LOXL2: variants seen among roughly 807,000 people sequenced by gnomAD.
LOXL2 encodes lysyl oxidase like 2.
In LOXL2, 70 loss-of-function variants were observed where a neutral mutation model predicts 93.0. The ratio of observed to expected loss-of-function variants is 0.75; its 90% CI spans 0.62 to 0.92. The LOEUF (loss-of-function observed/expected upper bound fraction) is 0.92, where lower values mean the gene tolerates loss of function less well. LOXL2 is among the 40% of genes least tolerant of loss of function. LOXL2 has a pLI of 0.00. For missense variants in LOXL2, 973 were observed against 1,054.9 expected (o/e 0.92, Z 1.08); for synonymous variants, 438 against 413.2 (o/e 1.06, Z -0.73).
At chr8:23,375,990 TGA>T (rs1420503760) in intron 1 of LOXL2, among the ~76,000 whole-genome samples, 2 of 152,284 alleles carry the variant, frequency 1.3e-5, no homozygotes, top group East Asian at 3.9e-4. Flanking sequence ...ATAGGAGTGG[TGA>T]GAGAGGGCAT....
chr8:23,338,559 T>C (rs1372225488), intron 4 of LOXL2, among the ~76,000 whole-genome samples: 1 of 151,712 alleles, frequency 6.6e-6, no homozygotes, highest in East Asian at 2.0e-4. Flanking sequence ...AATAATTTCC[T>C]GCAGAGTGGG....
At chr8:23,317,940 A>T (rs1304790997) in intron 8 of LOXL2, among the ~76,000 whole-genome samples, 1 of 149,018 alleles carries the variant, frequency 6.7e-6, no homozygotes, top group African/African-American at 2.4e-5. Flanking sequence ...CCATCAGGAT[A>T]GGAAGGGCCT....
At chr8:23,320,614 TC>T (rs2117158489) in intron 7 of LOXL2, among the ~76,000 whole-genome samples, 1 of 152,274 alleles carries the variant, frequency 6.6e-6, no homozygotes, top group South Asian at 2.1e-4. Context: ...TACAACTTTA[TC>T]TTAAAAAAGA....
At chr8:23,383,037 A>C (rs1429875710) in intron 1 of LOXL2, among the ~76,000 whole-genome samples, 2 of 151,944 alleles carry the variant, frequency 1.3e-5, no homozygotes, top group Non-Finnish European at 2.9e-5. Flanking sequence ...GTCCTCTGGT[A>C]CCTAACATGC....
At chr8:23,399,928 G>A (rs758354992) in intron 1 of LOXL2, among the ~76,000 whole-genome samples, 4 of 152,220 alleles carry the variant, frequency 2.6e-5, no homozygotes, top group Admixed American at 6.5e-5. Context: ...AGTTCCTCCC[G>A]TTGGATGGAA....
intron 9 of LOXL2, among the ~76,000 whole-genome samples, chr8:23,314,699 C>T (rs1364303236): frequency 9.3e-5 from 14 of 151,130 alleles, no homozygotes; most frequent in African/African-American, 2.4e-4. Context: ...TGCTAGATGA[C>T]GAGTTAGTGG....
Position 23,296,952 on chromosome 8 carries a change from A to G in LOXL2, c.*1091T>C, listed in dbSNP as rs1055852832. On this transcript the variant is annotated 3_prime_UTR_variant, in exon 14 of 14. Transcript: ENST00000389131. ...GAAAGATTATGACTCCTGTTCCGTTACTTTTTGTGATCTCCTTAGATTGCT... is the reference window on the plus strand; with the variant it reads ...GAAAGATTATGACTCCTGTTCCGTTGCTTTTTGTGATCTCCTTAGATTGCT... 6.6e-6 allele frequency among the ~76,000 whole-genome samples: 1 copy of G among 152,186 alleles called. No homozygotes were observed. Among genetic ancestry groups the G allele is most frequent in the Non-Finnish European group, 1.5e-5 (1 of 68,022 alleles).
chr8:23,401,705 A>G (rs1585387705), intron 1 of LOXL2, among the ~76,000 whole-genome samples: 2 of 152,350 alleles, frequency 1.3e-5, no homozygotes, highest in Admixed American at 1.3e-4. Context: ...ATGTCTATCT[A>G]GAGCACAGAA....
chr8:23,315,521 T>G (rs1803380708), intron 9 of LOXL2, among the ~76,000 whole-genome samples: 1 of 152,214 alleles, frequency 6.6e-6, no homozygotes, highest in Non-Finnish European at 1.5e-5. Context: ...CATGAGGATC[T>G]GACGGCATGG....
intron 1 of LOXL2, among the ~76,000 whole-genome samples, chr8:23,385,502 C>T (rs897474603): frequency 4.0e-4 from 61 of 151,606 alleles, no homozygotes; most frequent in African/African-American, 1.3e-3. Context: ...TTAAGTGATC[C>T]GCCCGGCTCA....
chr8:23,320,111 G>A (rs1803471046), intron 7 of LOXL2, 59 bp from the exon 8 acceptor site: 11 of 1,543,586 alleles, frequency 7.1e-6, no homozygotes, highest in South Asian at 2.3e-5. Flanking sequence ...TCCCCCCTAC[G>A]CTGCCATCAG....
At chr8:23,338,595 G>A (rs1252189505) in intron 4 of LOXL2, among the ~76,000 whole-genome samples, 1 of 152,212 alleles carries the variant, frequency 6.6e-6, no homozygotes, top group African/African-American at 2.4e-5. Flanking sequence ...GGAGGGAAGG[G>A]GGTCCCTTCT....
chr8:23,347,640 A>G (rs1018410437), intron 3 of LOXL2, among the ~76,000 whole-genome samples: 4 of 151,518 alleles, frequency 2.6e-5, no homozygotes, highest in Non-Finnish European at 5.9e-5. Context: ...AAAGACTGAG[A>G]CTCCGTTTCA....
intron 6 of LOXL2, among the ~76,000 whole-genome samples, chr8:23,322,838 C>T (rs766275024): frequency 9.2e-5 from 14 of 152,226 alleles, no homozygotes; most frequent in Non-Finnish European, 1.9e-4. Context: ...CCCTCTGCCT[C>T]CCTGCTAGGG....
chr8:23,332,447 A>G (rs1455774682), intron 5 of LOXL2, among the ~76,000 whole-genome samples: 1 of 126,232 alleles, frequency 7.9e-6, no homozygotes, highest in Admixed American at 8.0e-5. Context: ...ACACACTCCT[A>G]CAGACACACC....
At chr8:23,303,433 C>T (rs773977542) in intron 10 of LOXL2, 36 bp from the exon 11 acceptor site, 2 of 1,218,346 alleles carry the variant, frequency 1.6e-6, no homozygotes, top group Admixed American at 3.4e-5. Flanking sequence ...AGGTCAGTTT[C>T]TGGAGCAACT....
At chr8:23,330,084 G>C (rs895343857) in intron 5 of LOXL2, among the ~76,000 whole-genome samples, 1 of 152,214 alleles carries the variant, frequency 6.6e-6, no homozygotes, top group Non-Finnish European at 1.5e-5. Flanking sequence ...CCAGCACTTT[G>C]GGAGGCCAAG....
chr8:23,341,280 T>A (rs940494976), intron 3 of LOXL2, 77 bp from the exon 4 acceptor site: 1 of 1,220,084 alleles, frequency 8.2e-7, no homozygotes, highest in South Asian at 1.2e-5. Context: ...CCAGTACTTC[T>A]TTAGCGACTA....
chr8:23,340,993 TG>T lies in LOXL2; in HGVS notation c.741del (p.Tyr247Ter), dbSNP rs983957999. ...PGERTYNTKV[Y>X]KMFASRRKQR... is the part of the protein sequence containing the mutation. ...ACCCCTTTGGTGCAGTCCTCTTACTTGTACACTTTGGTATTGTATGTCCTCT... is the reference window on the plus strand; with the variant it reads ...ACCCCTTTGGTGCAGTCCTCTTACTTTACACTTTGGTATTGTATGTCCTCT... On this transcript the variant is annotated frameshift_variant and splice_region_variant, in exon 4 of 14. Coordinates refer to ENST00000389131, the MANE Select transcript of LOXL2 (RefSeq NM_002318.3). LOFTEE classifies it high-confidence loss of function. 4.3e-6 allele frequency: 7 copies of T among 1,613,804 alleles called. No individual in the cohort carries two copies. Among genetic ancestry groups the T allele is most frequent in the Non-Finnish European group, 4.2e-6 (5 of 1,179,732 alleles).
Sources: allele counts gnomAD v4.1 joint callset (sites outside exome capture counted in the v4.1 genomes callset), GRCh38; gene constraint gnomAD v4.1.1; transcripts MANE v1.5; gene names NCBI Gene and HGNC (gene_info 2026-07-23, HGNC 2026-07-21).